FSHR: variants seen among roughly 807,000 people sequenced by gnomAD.
FSHR encodes follicle-stimulating hormone receptor.
Under a neutral mutation model 52.1 loss-of-function variants are expected in FSHR, and 46 were observed. The ratio of observed to expected loss-of-function variants is 0.88; its 90% CI spans 0.70 to 1.13. FSHR has a LOEUF of 1.13. Ranked by LOEUF, FSHR falls within the 50% of genes most tolerant of loss-of-function variation. FSHR has a pLI of 0.00. For missense variants in FSHR, 964 were observed against 834.6 expected (o/e 1.16, Z -1.91); for synonymous variants, 399 against 309.6 (o/e 1.29, Z -3.03).
rs951624168 is a variant in FSHR at position 48,963,161 on chromosome 2, G to A, written c.1660C>T (p.Leu554Phe). Reference protein sequence around the residue: ...VICGCYIHIYLTVRNPNIVSS... With the variant: ...VICGCYIHIYFTVRNPNIVSS... ...ACGATGTTGGGGTTCCGCACTGTGA[G>A]GTAGATGTGGATATAGCAGCCACAG... Residue 554 changes from leucine (L) to phenylalanine (F), a missense_variant, in exon 10 of 10, where the codon CTC (leucine) becomes TTC (phenylalanine). By Grantham distance (22) the Leu-to-Phe change is conservative. Coordinates refer to ENST00000406846, the MANE Select transcript of FSHR (RefSeq NM_000145.4). 18 of 1,614,002 alleles carry A rather than the reference G, an allele frequency of 1.1e-5. No individual in the cohort carries two copies. Among genetic ancestry groups the A allele is most frequent in the African/African-American group, 8.0e-5 (6 of 74,914 alleles).
At chr2:49,116,817 T>A (rs1327917413) in intron 1 of FSHR, among the ~76,000 whole-genome samples, 1 of 152,240 alleles carries the variant, frequency 6.6e-6, no homozygotes, top group Non-Finnish European at 1.5e-5. Flanking sequence ...GTAACTCTGT[T>A]ATTTCAAGAT....
chr2:49,088,851 T>A (rs1236459346), intron 1 of FSHR, among the ~76,000 whole-genome samples: 1 of 151,778 alleles, frequency 6.6e-6, no homozygotes, highest in Non-Finnish European at 1.5e-5. Flanking sequence ...ACCAAAAAGA[T>A]AAATTTAGGT....
At chr2:49,037,794 A>G (rs556535238) in intron 2 of FSHR, among the ~76,000 whole-genome samples, 15 of 152,312 alleles carry the variant, frequency 9.8e-5, no homozygotes, top group Non-Finnish European at 5.9e-5. Context: ...CATGGAGGAT[A>G]GCATAAGAAA....
chr2:49,113,049 G>A (rs1191011798), intron 1 of FSHR, among the ~76,000 whole-genome samples: 1 of 152,140 alleles, frequency 6.6e-6, no homozygotes, highest in Admixed American at 6.5e-5. Context: ...CATGTATGAG[G>A]AACAGGCAGG....
chr2:49,022,477 C>T (rs563798154), intron 2 of FSHR, among the ~76,000 whole-genome samples: 297 of 152,152 alleles, frequency 2.0e-3, no homozygotes, highest in African/African-American at 6.7e-3. Context: ...CATCTTATTC[C>T]GATCTAACCC....
chr2:49,113,487 G>A (rs779480813), intron 1 of FSHR, among the ~76,000 whole-genome samples: 3 of 152,210 alleles, frequency 2.0e-5, no homozygotes, highest in Admixed American at 1.3e-4. Flanking sequence ...CATTTGCACA[G>A]TCAAGAAGAG....
chr2:49,039,977 C>G (rs1668424118), intron 2 of FSHR, among the ~76,000 whole-genome samples: 1 of 151,272 alleles, frequency 6.6e-6, no homozygotes, highest in Non-Finnish European at 1.5e-5. Flanking sequence ...TAAAAATGTC[C>G]TATCTTAATT....
intron 1 of FSHR, among the ~76,000 whole-genome samples, chr2:49,090,474 T>G (rs956104962): frequency 6.6e-5 from 10 of 152,226 alleles, no homozygotes; most frequent in African/African-American, 2.4e-4. Flanking sequence ...CTGAGTAGTA[T>G]TCCACTGTAT....
chr2:49,008,734 T>C (rs1184829549), intron 4 of FSHR, among the ~76,000 whole-genome samples: 1 of 144,786 alleles, frequency 6.9e-6, no homozygotes, highest in Admixed American at 7.0e-5. Flanking sequence ...TGGTGTGAGA[T>C]GGTATCTCAT....
intron 1 of FSHR, among the ~76,000 whole-genome samples, chr2:49,081,810 C>T (rs1174912901): frequency 6.6e-6 from 1 of 152,226 alleles, no homozygotes. Context: ...ATACTTTGGG[C>T]AGTCCATTCA....
intron 1 of FSHR, among the ~76,000 whole-genome samples, chr2:49,127,778 C>CTTT (rs1672071862): frequency 2.2e-5 from 1 of 45,644 alleles, no homozygotes; most frequent in African/African-American, 9.5e-5. Context: ...TCTTCTTCTT[C>CTTT]TTCTTCTTCT....
At chr2:49,014,068 T>A (rs1667395651) in intron 4 of FSHR, among the ~76,000 whole-genome samples, 1 of 152,146 alleles carries the variant, frequency 6.6e-6, no homozygotes, top group Non-Finnish European at 1.5e-5. Context: ...CATCCTGATC[T>A]TGGGCTTCTA....
chr2:48,992,184 A>C (rs13031735), intron 4 of FSHR, among the ~76,000 whole-genome samples: 1 of 151,828 alleles, frequency 6.6e-6, no homozygotes, highest in African/African-American at 2.4e-5. Context: ...TAATGCGCTA[A>C]AAAATTATAT....
chr2:49,056,247 C>T (rs1483407221), intron 2 of FSHR, among the ~76,000 whole-genome samples: 1 of 151,500 alleles, frequency 6.6e-6, no homozygotes, highest in Non-Finnish European at 1.5e-5. Context: ...AAGAAACTTA[C>T]TTTACCTGTA....
intron 1 of FSHR, among the ~76,000 whole-genome samples, chr2:49,133,495 G>C (rs542874354): frequency 6.6e-6 from 1 of 152,106 alleles, no homozygotes; most frequent in South Asian, 2.1e-4. Flanking sequence ...CATGCTGCCC[G>C]AGGTAATTTA....
intron 2 of FSHR, among the ~76,000 whole-genome samples, chr2:49,024,708 T>C (rs9808506): frequency 0.37 from 55,553 of 152,102 alleles, 10,872 homozygotes; most frequent in Non-Finnish European, 0.45. Context: ...GCCTTTCTCT[T>C]CACAGAGCAT....
At chr2:49,148,947 C>T (rs917048789) in intron 1 of FSHR, among the ~76,000 whole-genome samples, 4 of 151,702 alleles carry the variant, frequency 2.6e-5, no homozygotes, top group Non-Finnish European at 4.4e-5. Context: ...AATAGAATGA[C>T]GGTGTGCAGG....
In FSHR at chr2:49,058,673, A is replaced by AG. The variant is rs146652075; in HGVS notation, c.224+9545_224+9546insC. Among the ~76,000 whole-genome samples the AG allele has an allele frequency of 2.9e-3, 441 of 152,292 alleles. 2 individuals carry two copies. Among genetic ancestry groups the AG allele is most frequent in the African/African-American group, 0.01 (431 of 41,570 alleles). ...TCCACTAGCAATAAACTACCTGAAA[A>AG]AAAAATAAAGAAGCCCATTCCATTT... On this transcript the variant is annotated intron_variant, in intron 2 of 9. Transcript: ENST00000406846.
At chr2:49,037,007 T>C (rs1296160662) in intron 2 of FSHR, among the ~76,000 whole-genome samples, 1 of 152,218 alleles carries the variant, frequency 6.6e-6, no homozygotes, top group African/African-American at 2.4e-5. Flanking sequence ...GGCTGGGTCT[T>C]GGAGCTTCAA....
Sources: allele counts gnomAD v4.1 joint callset (sites outside exome capture counted in the v4.1 genomes callset), GRCh38; gene constraint gnomAD v4.1.1; transcripts MANE v1.5; gene names NCBI Gene and HGNC (gene_info 2026-07-23, HGNC 2026-07-21).